The following ASIC2 variants were observed in gnomAD, a reference collection of about 807,000 sequenced individuals.
ASIC2 encodes acid sensing ion channel subunit 2.
Under a neutral mutation model 57.3 loss-of-function variants are expected in ASIC2, and 25 were observed. The ratio of observed to expected loss-of-function variants is 0.44; its 90% CI spans 0.32 to 0.61. The LOEUF (loss-of-function observed/expected upper bound fraction) is 0.61. Ranked by LOEUF, ASIC2 falls within the 20% of genes least tolerant of loss-of-function variation. The probability of loss-of-function intolerance (pLI) is 0.06; values close to 1 mark genes in which losing one functional copy is unlikely to be tolerated. For missense variants in ASIC2, 641 were observed against 738.1 expected (o/e 0.87, Z 1.52); for synonymous variants, 319 against 307.5 (o/e 1.04, Z -0.39).
intron 1 of ASIC2, among the ~76,000 whole-genome samples, chr17:33,557,158 T>A (rs1354161032): frequency 6.6e-6 from 1 of 152,134 alleles, no homozygotes; most frequent in Non-Finnish European, 1.5e-5. Flanking sequence ...ATTCCCACCT[T>A]ATTCAGTATA....
chr17:33,237,425 AC>A (rs1290252103), intron 1 of ASIC2, among the ~76,000 whole-genome samples: 1 of 151,358 alleles, frequency 6.6e-6, no homozygotes, highest in Non-Finnish European at 1.5e-5. Flanking sequence ...ATCTCAGCTC[AC>A]CGCAACTTCC....
At chr17:33,470,457 G>T (rs1913010958) in intron 1 of ASIC2, among the ~76,000 whole-genome samples, 1 of 149,794 alleles carries the variant, frequency 6.7e-6, no homozygotes, top group African/African-American at 2.5e-5. Flanking sequence ...GCTTTAGCAG[G>T]CTTAAAAAAT....
At chr17:33,651,304 G>A (rs771260808) in intron 1 of ASIC2, among the ~76,000 whole-genome samples, 4 of 152,160 alleles carry the variant, frequency 2.6e-5, no homozygotes, top group African/African-American at 4.8e-5. Context: ...TGATAAGTAC[G>A]TAGAACTTTT....
chr17:33,261,065 T>C (rs912853930), intron 1 of ASIC2, among the ~76,000 whole-genome samples: 4 of 152,240 alleles, frequency 2.6e-5, no homozygotes, highest in African/African-American at 7.2e-5. Flanking sequence ...AATATCCCAG[T>C]GTGCCTGTCC....
At chr17:33,780,380 C>T (rs1044126403) in intron 1 of ASIC2, among the ~76,000 whole-genome samples, 1 of 152,152 alleles carries the variant, frequency 6.6e-6, no homozygotes, top group Non-Finnish European at 1.5e-5. Context: ...ACCACCAATG[C>T]CCACCCCATT....
chr17:33,445,544 A>T (rs574267363), intron 1 of ASIC2, among the ~76,000 whole-genome samples: 34 of 152,298 alleles, frequency 2.2e-4, no homozygotes, highest in African/African-American at 7.9e-4. Context: ...CTCTGTGGGC[A>T]CAAGGTCACT....
intron 1 of ASIC2, among the ~76,000 whole-genome samples, chr17:33,720,086 C>G (rs773146482): frequency 2.6e-5 from 4 of 152,116 alleles, no homozygotes; most frequent in Admixed American, 6.5e-5. Context: ...GTCTTATTAT[C>G]TTGCCAAGGT....
chr17:33,954,850 A>G (rs761529083), intron 1 of ASIC2, among the ~76,000 whole-genome samples: 6 of 152,222 alleles, frequency 3.9e-5, no homozygotes, highest in African/African-American at 1.4e-4. Context: ...TTTCTTGCTT[A>G]TAAGAAGAAC....
rs1908884941 is a variant in ASIC2, at chr17:33,707,077, C to T, written c.555+448901G>A. ...TGATTTTACCTCAGAGTTTTGAAGA[C>T]ATTTTCTTACTGTCTCCTAGCTTCT... On this transcript the variant is annotated intron_variant, in intron 1 of 9. Transcript: ENST00000359872. Among the ~76,000 whole-genome samples the T allele has an allele frequency of 3.9e-5, 6 of 152,184 alleles. No individual in the cohort carries two copies. In the South Asian group the frequency reaches 1.2e-3, roughly 32 times the overall value.
At chr17:33,162,455 T>C (rs1213519988) in intron 1 of ASIC2, among the ~76,000 whole-genome samples, 1 of 152,140 alleles carries the variant, frequency 6.6e-6, no homozygotes, top group African/African-American at 2.4e-5. Context: ...GCAACAAATA[T>C]GGATGTTGTC....
At chr17:33,757,937 C>G (rs1910662005) in intron 1 of ASIC2, among the ~76,000 whole-genome samples, 1 of 152,196 alleles carries the variant, frequency 6.6e-6, no homozygotes, top group South Asian at 2.1e-4. Context: ...GCTGCAGAAG[C>G]CTTTCCGTAA....
intron 1 of ASIC2, among the ~76,000 whole-genome samples, chr17:33,142,447 G>A (rs1904354377): frequency 6.6e-6 from 1 of 152,170 alleles, no homozygotes; most frequent in South Asian, 2.1e-4. Flanking sequence ...TGTCTTCAAA[G>A]GATAGCTGTA....
chr17:33,390,176 G>C (rs1374171815), intron 1 of ASIC2, among the ~76,000 whole-genome samples: 1 of 152,000 alleles, frequency 6.6e-6, no homozygotes, highest in Non-Finnish European at 1.5e-5. Context: ...AGCCAGGTGT[G>C]GTGGCACACG....
At chr17:34,101,007 C>T (rs1444220440) in intron 1 of ASIC2, among the ~76,000 whole-genome samples, 1 of 152,138 alleles carries the variant, frequency 6.6e-6, no homozygotes, top group Non-Finnish European at 1.5e-5. Context: ...AATAATAGAA[C>T]CTACTTCATA....
At chr17:33,711,627 G>A (rs982007289) in intron 1 of ASIC2, among the ~76,000 whole-genome samples, 1 of 152,258 alleles carries the variant, frequency 6.6e-6, no homozygotes, top group South Asian at 2.1e-4. Context: ...ATTTACAATC[G>A]TGGCGGAAGG....
chr17:34,080,709 G>A (rs915936571), intron 1 of ASIC2, among the ~76,000 whole-genome samples: 5 of 152,200 alleles, frequency 3.3e-5, no homozygotes, highest in Non-Finnish European at 7.3e-5. Flanking sequence ...GGCACCTTAG[G>A]TTCATTTACT....
At chr17:34,108,641 T>A (rs1911153141) in intron 1 of ASIC2, among the ~76,000 whole-genome samples, 1 of 152,182 alleles carries the variant, frequency 6.6e-6, no homozygotes, top group African/African-American at 2.4e-5. Context: ...GCCAATTAGG[T>A]CCAAGCAGTT....
At chr17:33,632,377 G>T (rs1404733893) in intron 1 of ASIC2, among the ~76,000 whole-genome samples, 1 of 152,088 alleles carries the variant, frequency 6.6e-6, no homozygotes, top group Admixed American at 6.5e-5. Flanking sequence ...CTCTGTCACG[G>T]TTCAGATTAA....
intron 1 of ASIC2, 103 bp from the exon 2 acceptor site, chr17:33,112,170 C>T (rs577318545): frequency 7.4e-7 from 1 of 1,351,092 alleles, no homozygotes; most frequent in Admixed American, 2.4e-5. Context: ...GTCAGAGTCC[C>T]CACAGCCCAT....
Sources: gnomAD v4.1 joint callset for allele counts (sites outside exome capture counted in the v4.1 genomes callset) on GRCh38, gnomAD v4.1.1 for gene constraint, MANE v1.5 for transcripts, NCBI Gene and HGNC (gene_info 2026-07-23, HGNC 2026-07-21) for gene names.